VCF2: variants seen among roughly 807,000 people sequenced by gnomAD.
The protein encoded by VCF2 is VCP nuclear cofactor family member 2.
At chrX:55,153,049 C>T in the VCF2 span, among the ~76,000 whole-genome samples, 5 of 111,972 alleles carry the variant, frequency 4.5e-5, no homozygotes, top group South Asian at 3.8e-4. Flanking sequence ...ACCTGGAAGC[C>T]GCAGCTTCAA....
the VCF2 span, among the ~76,000 whole-genome samples, chrX:55,149,534 C>G: frequency 8.1e-5 from 9 of 110,759 alleles, no homozygotes; most frequent in Non-Finnish European, 1.5e-4. Flanking sequence ...TCCTCAAGGC[C>G]CAGGGACTAT....
the VCF2 span, among the ~76,000 whole-genome samples, chrX:55,149,123 C>T: frequency 9.1e-6 from 1 of 110,290 alleles, no homozygotes; most frequent in South Asian, 3.7e-4. Context: ...TTTTGATTTG[C>T]AGCTTACCTA....
chrX:55,161,145 G>T, the VCF2 span: 3 of 1,206,798 alleles, frequency 2.5e-6, no homozygotes, highest in Admixed American at 4.4e-5. Context: ...ACCGTACAGG[G>T]CAGCCTCCCA....
chrX:55,151,940 G>A, the VCF2 span, among the ~76,000 whole-genome samples: 7 of 92,647 alleles, frequency 7.6e-5, no homozygotes, highest in African/African-American at 2.8e-4. Context: ...CGCCCAGGCT[G>A]GAGTGCAGTG....
At chrX:55,158,383 T>C in the VCF2 span, among the ~76,000 whole-genome samples, 2 of 111,859 alleles carry the variant, frequency 1.8e-5, no homozygotes, top group Non-Finnish European at 3.8e-5. Context: ...TGGTGGTTAC[T>C]AGAGGTTTAG....
chrX:55,149,638 C>T, the VCF2 span, among the ~76,000 whole-genome samples: 1 of 111,692 alleles, frequency 9.0e-6, no homozygotes, highest in South Asian at 3.8e-4. Context: ...ATATTGAAGG[C>T]ACACTGATGC....
chrX:55,148,309 A>C, the VCF2 span, among the ~76,000 whole-genome samples: 2 of 110,488 alleles, frequency 1.8e-5, no homozygotes, highest in Non-Finnish European at 3.8e-5. Flanking sequence ...ATTTTTAAAA[A>C]ATTATAGGAA....
chrX:55,145,656 G>GT, the VCF2 span: 26 of 755,251 alleles, frequency 3.4e-5, no homozygotes, highest in Non-Finnish European at 3.9e-5. Flanking sequence ...TTTTTTGTTT[G>GT]TTTTTTAAAT....
chrX:55,150,920 G>A, the VCF2 span, among the ~76,000 whole-genome samples: 9 of 111,468 alleles, frequency 8.1e-5, no homozygotes, highest in Non-Finnish European at 1.1e-4. Flanking sequence ...TTGTGACTTC[G>A]AAACATTGTT....
the VCF2 span, among the ~76,000 whole-genome samples, chrX:55,156,164 G>C: frequency 9.0e-6 from 1 of 110,826 alleles, no homozygotes; most frequent in East Asian, 2.8e-4. Context: ...ATATTGGCCA[G>C]GCTAGTCTTG....
the VCF2 span, chrX:55,143,565 G>T: frequency 1.5e-5 from 4 of 263,034 alleles, no homozygotes; most frequent in Non-Finnish European, 2.7e-5. Flanking sequence ...AGAAAACACA[G>T]GCGCAAATTC....
chrX:55,147,392 GGGGTCAAATGAA>G, the VCF2 span, among the ~76,000 whole-genome samples: 1 of 110,836 alleles, frequency 9.0e-6, no homozygotes, highest in Non-Finnish European at 1.9e-5. Context: ...AGAGATAGAA[GGGGTCAAATGAA>G]GCCAGATGTG....
At chrX:55,158,508 T>A in the VCF2 span, among the ~76,000 whole-genome samples, 1 of 111,223 alleles carries the variant, frequency 9.0e-6, no homozygotes, top group Non-Finnish European at 1.9e-5. Context: ...TTAACAATAA[T>A]TTATTGTATA....
At chrX:55,159,097 T>C in the VCF2 span, 1 of 1,079,605 alleles carries the variant, frequency 9.3e-7, no homozygotes, top group Non-Finnish European at 1.3e-6. Context: ...AGGCAATGAA[T>C]GAAATAGAGG....
chrX:55,156,199 G>A, the VCF2 span, among the ~76,000 whole-genome samples: 1 of 111,091 alleles, frequency 9.0e-6, no homozygotes, highest in African/African-American at 3.3e-5. Flanking sequence ...TGATCCACCC[G>A]CCTTGGCCTC....
chrX:55,145,435 C>G, the VCF2 span: 1 of 753,897 alleles, frequency 1.3e-6, no homozygotes, highest in Non-Finnish European at 1.6e-6. Context: ...TAGAAACATT[C>G]TCCCTGGAAA....
chrX:55,159,938 A>G, the VCF2 span, among the ~76,000 whole-genome samples: 37 of 112,133 alleles, frequency 3.3e-4, no homozygotes, highest in African/African-American at 1.1e-3. Flanking sequence ...TTGCTTAGAG[A>G]CTTACTTTTG....
At chrX:55,144,035 T>TTTA in the VCF2 span, among the ~76,000 whole-genome samples, 6 of 111,444 alleles carry the variant, frequency 5.4e-5, no homozygotes, top group Admixed American at 1.9e-4. Context: ...ATGTAATTGC[T>TTTA]TTATTATTAT....
the VCF2 span, chrX:55,143,631 G>C: frequency 2.4e-6 from 1 of 411,253 alleles, no homozygotes; most frequent in Non-Finnish European, 4.4e-6. Flanking sequence ...CAGGACCAAA[G>C]TAAGTCCGCA....
Sources: gnomAD v4.1 joint callset for allele counts (sites outside exome capture counted in the v4.1 genomes callset) on GRCh38, gnomAD v4.1.1 for gene constraint, MANE v1.5 for transcripts, NCBI Gene and HGNC (gene_info 2026-07-23, HGNC 2026-07-21) for gene names.